The following TBC1D5 variants were observed in gnomAD, a reference collection of about 807,000 sequenced individuals.
The protein encoded by TBC1D5 is TBC1 domain family member 5.
In TBC1D5, 75 loss-of-function variants were observed where a neutral mutation model predicts 100.3. That is an observed-to-expected ratio of 0.75 (90% confidence interval 0.62 to 0.91). TBC1D5 has a LOEUF of 0.91. Among genes scored for constraint, TBC1D5 ranks in the 40% least tolerant of loss-of-function variants. TBC1D5 has a pLI of 0.00. For missense variants in TBC1D5, 910 were observed against 942.4 expected, an observed-to-expected ratio of 0.97 and a Z score of 0.45; for synonymous variants, 323 against 325.6, an observed-to-expected ratio of 0.99 and a Z score of 0.09.
At chr3:17,258,365 T>A in intron 16 of TBC1D5, 141 bp downstream of exon 16, 1 of 778,036 alleles carries the variant, frequency 1.3e-6, no homozygotes, top group Non-Finnish European at 2.1e-6. Context: ...TTAAAATAAC[T>A]TGGGTAATTT....
At chr3:17,681,355 T>C (rs2069443550) in intron 1 of TBC1D5, among the ~76,000 whole-genome samples, 1 of 151,698 alleles carries the variant, frequency 6.6e-6, no homozygotes, top group Non-Finnish European at 1.5e-5. Flanking sequence ...CTGGTTCAAC[T>C]TAACAAGTCA....
intron 19 of TBC1D5, among the ~76,000 whole-genome samples, chr3:17,169,020 T>C (rs994918384): frequency 6.6e-6 from 1 of 152,202 alleles, no homozygotes; most frequent in Admixed American, 6.5e-5. Context: ...AGGCTTCTCT[T>C]TATTGTTCAA....
intron 3 of TBC1D5, among the ~76,000 whole-genome samples, chr3:17,456,969 A>G (rs1328560065): frequency 6.6e-6 from 1 of 152,188 alleles, no homozygotes; most frequent in Non-Finnish European, 1.5e-5. Flanking sequence ...AAAGTTGAAT[A>G]GTGGTTTTAT....
At chr3:17,456,823 A>G (rs913802853) in intron 3 of TBC1D5, among the ~76,000 whole-genome samples, 1 of 152,234 alleles carries the variant, frequency 6.6e-6, no homozygotes, top group Admixed American at 6.5e-5. Flanking sequence ...AAAAAGGAAC[A>G]AAGTACGGAT....
chr3:17,518,744 T>C (rs979724277), intron 2 of TBC1D5, among the ~76,000 whole-genome samples: 2 of 152,240 alleles, frequency 1.3e-5, no homozygotes, highest in South Asian at 2.1e-4. Context: ...CTGTTAACAC[T>C]TAAGCCGTCT....
chr3:17,263,385 A>G (rs1019102079), intron 15 of TBC1D5, among the ~76,000 whole-genome samples: 26 of 147,120 alleles, frequency 1.8e-4, no homozygotes, highest in African/African-American at 3.2e-4. Flanking sequence ...AAAAAAAAAA[A>G]AGAGAAAGAA....
At chr3:17,547,867 G>T (rs1056669140) in intron 2 of TBC1D5, among the ~76,000 whole-genome samples, 33 of 152,290 alleles carry the variant, frequency 2.2e-4, no homozygotes, top group Admixed American at 1.7e-3. Flanking sequence ...CTCAGAATAA[G>T]ATGTAAGGAA....
intron 16 of TBC1D5, among the ~76,000 whole-genome samples, chr3:17,250,892 A>C (rs1045565079): frequency 1.3e-5 from 2 of 152,226 alleles, no homozygotes; most frequent in Non-Finnish European, 2.9e-5. Flanking sequence ...TCTTGTTGGC[A>C]CTAAATGCAA....
intron 1 of TBC1D5, among the ~76,000 whole-genome samples, chr3:17,639,967 A>G (rs9985472): frequency 0.7 from 106,612 of 152,012 alleles, 37,820 homozygotes; most frequent in East Asian, 0.99. Flanking sequence ...GGGAATGCAC[A>G]TGAGATCATG....
chr3:17,528,703 A>C (rs2096174883), intron 2 of TBC1D5, among the ~76,000 whole-genome samples: 1 of 152,208 alleles, frequency 6.6e-6, no homozygotes, highest in East Asian at 1.9e-4. Flanking sequence ...CTCTTAATAT[A>C]TACTCTAGTA....
At chr3:17,615,937 ATT>A (rs1209191888) in intron 2 of TBC1D5, among the ~76,000 whole-genome samples, 1 of 151,894 alleles carries the variant, frequency 6.6e-6, no homozygotes, top group Non-Finnish European at 1.5e-5. Flanking sequence ...TAGCTTTTGA[ATT>A]TGTTTGCTGT....
At chr3:17,453,876 CA>C (rs1345157318) in intron 3 of TBC1D5, among the ~76,000 whole-genome samples, 1 of 152,062 alleles carries the variant, frequency 6.6e-6, no homozygotes, top group African/African-American at 2.4e-5. Context: ...AAAATACTAG[CA>C]AATCAAAATA....
At chr3:17,532,334 C>T (rs1254540693) in intron 2 of TBC1D5, among the ~76,000 whole-genome samples, 1 of 152,182 alleles carries the variant, frequency 6.6e-6, no homozygotes, top group Non-Finnish European at 1.5e-5. Context: ...AGTCAGGAAA[C>T]AACAGGTGCT....
At chr3:17,459,216 C>T (rs1298577537) in intron 3 of TBC1D5, among the ~76,000 whole-genome samples, 1 of 152,096 alleles carries the variant, frequency 6.6e-6, no homozygotes, top group East Asian at 1.9e-4. Context: ...ATCTTTTTGG[C>T]CCCAAAAACT....
At chr3:17,658,363 A>T (rs1294269263) in intron 1 of TBC1D5, among the ~76,000 whole-genome samples, 1 of 152,230 alleles carries the variant, frequency 6.6e-6, no homozygotes, top group African/African-American at 2.4e-5. Flanking sequence ...GTTGTTCAAA[A>T]ATCCAGTAGA....
chr3:17,717,765 C>T (rs913618793), intron 1 of TBC1D5, among the ~76,000 whole-genome samples: 14 of 152,204 alleles, frequency 9.2e-5, no homozygotes, highest in Non-Finnish European at 1.0e-4. Context: ...CTTTTCAAAA[C>T]ATGTACCACT....
At chr3:17,314,359 A>C (rs1013571874) in intron 13 of TBC1D5, among the ~76,000 whole-genome samples, 4 of 152,134 alleles carry the variant, frequency 2.6e-5, no homozygotes, top group African/African-American at 7.2e-5. Flanking sequence ...GCTGCTTATC[A>C]GTCTTCTCCC....
intron 1 of TBC1D5, among the ~76,000 whole-genome samples, chr3:17,730,537 A>G (rs1396062109): frequency 6.6e-6 from 1 of 152,246 alleles, no homozygotes; most frequent in Non-Finnish European, 1.5e-5. Flanking sequence ...AGCAGCCAGC[A>G]TAAACTGCCA....
chr3:17,679,030 T>G lies in TBC1D5; in HGVS notation c.-100-55117A>C, dbSNP rs187928097. ...AATCAAGTCTGAGAGTAAAATAGAGTTATTTCAACCTTTCCTAGGGCCTAT... is the reference window on the plus strand; with the variant it reads ...AATCAAGTCTGAGAGTAAAATAGAGGTATTTCAACCTTTCCTAGGGCCTAT... On this transcript the variant is annotated intron_variant, in intron 1 of 21. Transcript: ENST00000253692. 1.9e-3 allele frequency among the ~76,000 whole-genome samples: 286 copies of G among 150,274 alleles called. 1 individual carries two copies. Among genetic ancestry groups the G allele is most frequent in the Non-Finnish European group, 2.9e-3 (199 of 67,876 alleles).
Sources: gnomAD v4.1 joint callset for allele counts (sites outside exome capture counted in the v4.1 genomes callset) on GRCh38, gnomAD v4.1.1 for gene constraint, MANE v1.5 for transcripts, NCBI Gene and HGNC (gene_info 2026-07-23, HGNC 2026-07-21) for gene names.